Variants in JAKMIP2 observed in about 807,000 individuals in gnomAD.
JAKMIP2 encodes janus kinase and microtubule interacting protein 2.
In JAKMIP2, 25 loss-of-function variants were observed where a neutral mutation model predicts 115.0. The observed-to-expected ratio is 0.22, with a 90% CI of 0.16 to 0.30. The LOEUF is 0.30. Ranked by LOEUF, JAKMIP2 falls within the 10% of genes least tolerant of loss-of-function variation. JAKMIP2 has a pLI of 1.00. For synonymous variants in JAKMIP2, 334 were observed against 343.6 expected, an observed-to-expected ratio of 0.97 and a Z score of 0.31; for missense variants, 642 against 957.6, an observed-to-expected ratio of 0.67 and a Z score of 4.35.
intron 1 of JAKMIP2, among the ~76,000 whole-genome samples, chr5:147,696,370 T>G (rs1015681011): frequency 6.6e-6 from 1 of 152,104 alleles, no homozygotes; most frequent in African/African-American, 2.4e-5. Flanking sequence ...TCTGATGGTT[T>G]TATAAGGGGC....
intron 2 of JAKMIP2, among the ~76,000 whole-genome samples, chr5:147,665,144 C>A (rs890350328): frequency 1.3e-5 from 2 of 152,144 alleles, no homozygotes; most frequent in Non-Finnish European, 2.9e-5. Context: ...CACCCATGAG[C>A]CAAATCCATC....
intron 19 of JAKMIP2, among the ~76,000 whole-genome samples, chr5:147,615,610 T>C (rs1283560043): frequency 2.6e-5 from 4 of 152,086 alleles, no homozygotes; most frequent in East Asian, 3.9e-4. Context: ...TGTGATGAGA[T>C]GTGTGTTGGA....
intron 1 of JAKMIP2, among the ~76,000 whole-genome samples, chr5:147,674,129 C>T (rs80156131): frequency 0.067 from 10,153 of 152,120 alleles, 595 homozygotes; most frequent in African/African-American, 0.15. Flanking sequence ...TTAGTCCCCC[C>T]AAACCTTATT....
At chr5:147,744,273 C>A (rs1754270402) in intron 1 of JAKMIP2, among the ~76,000 whole-genome samples, 1 of 152,136 alleles carries the variant, frequency 6.6e-6, no homozygotes, top group Admixed American at 6.6e-5. Context: ...CCAGCTGTGT[C>A]ATATTTAATG....
chr5:147,745,194 G>C (rs1754309220), intron 1 of JAKMIP2, among the ~76,000 whole-genome samples: 1 of 152,028 alleles, frequency 6.6e-6, no homozygotes. Context: ...ATGCAACTTA[G>C]ATCTACACTA....
intron 4 of JAKMIP2, among the ~76,000 whole-genome samples, chr5:147,649,479 C>T (rs775016985): frequency 4.6e-5 from 7 of 152,086 alleles, no homozygotes; most frequent in African/African-American, 1.7e-4. Flanking sequence ...TAAGGACACA[C>T]AGTAAATGGC....
At chr5:147,651,007 GA>G (rs1265729364) in intron 3 of JAKMIP2, among the ~76,000 whole-genome samples, 1 of 152,152 alleles carries the variant, frequency 6.6e-6, no homozygotes, top group Non-Finnish European at 1.5e-5. Context: ...ATTTGTAACT[GA>G]AGAAACTTCA....
chr5:147,701,771 A>T (rs1238468882), intron 1 of JAKMIP2, among the ~76,000 whole-genome samples: 1 of 152,166 alleles, frequency 6.6e-6, no homozygotes, highest in Non-Finnish European at 1.5e-5. Flanking sequence ...GGTGCCATTT[A>T]TGAGAAATGA....
At chr5:147,763,814 C>A (rs1284334781) in intron 1 of JAKMIP2, among the ~76,000 whole-genome samples, 4 of 152,002 alleles carry the variant, frequency 2.6e-5, no homozygotes, top group African/African-American at 4.8e-5. Flanking sequence ...CAGGGAAGGC[C>A]ATTTAAAAGC....
At chr5:147,661,735 G>A in intron 2 of JAKMIP2, 1 of 334,162 alleles carries the variant, frequency 3.0e-6, no homozygotes. Flanking sequence ...GTATCACCCA[G>A]GAAGCATGTT....
chr5:147,667,205 G>A lies in JAKMIP2; in HGVS notation c.129+4473C>T, dbSNP rs1046470956. ...GGGCAGGGTGAAGGGGAGAGCACTCGGTAGGGCTTTGAATGATGGGTTTCC... is the reference window on the plus strand; with the variant it reads ...GGGCAGGGTGAAGGGGAGAGCACTCAGTAGGGCTTTGAATGATGGGTTTCC... On this transcript the variant is annotated intron_variant, in intron 2 of 21. Coordinates refer to ENST00000616793, the MANE Select transcript of JAKMIP2 (RefSeq NM_001270941.2). Among the ~76,000 whole-genome samples the A allele has an allele frequency of 5.9e-5, 9 of 152,074 alleles. No homozygotes were observed. The East Asian group carries it at 7.7e-4, about 13-fold the overall frequency.
chr5:147,653,485 T>G (rs1313123551), intron 3 of JAKMIP2, among the ~76,000 whole-genome samples: 1 of 152,126 alleles, frequency 6.6e-6, no homozygotes, highest in African/African-American at 2.4e-5. Context: ...TTTTTTTTCA[T>G]GTTTGTTGGC....
chr5:147,601,920 A>G (rs1302356300), intron 20 of JAKMIP2, 109 bp from the exon 21 acceptor site: 2 of 509,000 alleles, frequency 3.9e-6, no homozygotes, highest in Admixed American at 3.8e-5. Flanking sequence ...CACTTCACAC[A>G]TGAACATCAA....
In JAKMIP2 at chr5:147,586,472, T is replaced by C. The variant is rs915005551; in HGVS notation, c.*5235A>G. 6.6e-6 allele frequency: 1 copy of C among 152,124 alleles called. No homozygotes were observed. Among genetic ancestry groups the C allele is most frequent in the South Asian group, 2.1e-4 (1 of 4,826 alleles). 9.4% of individuals were successfully genotyped at this position (152,124 alleles called of 1,614,324 possible). A position where few individuals can be genotyped will look rare whatever the true frequency, so the allele number is the denominator to read the frequency against. Reference sequence around the variant, plus strand: ...TTGGAAAATTGCATCATCCACTCTTTAGTAAGTTCGTGGGATCTTGATTGT... The same window carrying C: ...TTGGAAAATTGCATCATCCACTCTTCAGTAAGTTCGTGGGATCTTGATTGT... On this transcript the variant is annotated 3_prime_UTR_variant, in exon 22 of 22. Coordinates refer to ENST00000616793, the MANE Select transcript of JAKMIP2 (RefSeq NM_001270941.2).
chr5:147,589,508 T>C lies in JAKMIP2; in HGVS notation c.*2199A>G, dbSNP rs1236279046. 1 of 151,118 alleles carries C rather than the reference T, an allele frequency of 6.6e-6. No individual in the cohort carries two copies. The highest frequency in any genetic ancestry group is 1.5e-5 in the Non-Finnish European group (1 of 67,892). The allele number at this position is 151,118 out of a possible 1,614,324, so 9.4% of individuals were successfully genotyped here. ...TGTTTTGTATCTTCCCAGTAGGGCA[T>C]ACCACCTGGCTTTCCTCCAGAATAA... On this transcript the variant is annotated 3_prime_UTR_variant, in exon 22 of 22. Coordinates refer to ENST00000616793, the MANE Select transcript of JAKMIP2 (RefSeq NM_001270941.2).
At chr5:147,625,288 G>C (rs897176573) in intron 16 of JAKMIP2, among the ~76,000 whole-genome samples, 3 of 152,074 alleles carry the variant, frequency 2.0e-5, no homozygotes, top group Non-Finnish European at 4.4e-5. Context: ...GCCCCAGATA[G>C]TTCTTTCTAG....
chr5:147,650,638 A>G, intron 3 of JAKMIP2, 91 bp from the exon 4 acceptor site: 1 of 937,406 alleles, frequency 1.1e-6, no homozygotes, highest in Non-Finnish European at 1.6e-6. Context: ...CTTTTATCTG[A>G]TTGATACAGA....
chr5:147,663,779 T>G (rs1322706193), intron 2 of JAKMIP2, among the ~76,000 whole-genome samples: 3 of 152,110 alleles, frequency 2.0e-5, no homozygotes, highest in Non-Finnish European at 4.4e-5. Context: ...CACAAGGGGA[T>G]TTGGTGAAAT....
intron 1 of JAKMIP2, among the ~76,000 whole-genome samples, chr5:147,765,103 A>G (rs1755109668): frequency 6.6e-6 from 1 of 151,520 alleles, no homozygotes; most frequent in Non-Finnish European, 1.5e-5. Flanking sequence ...ATTCATGCTC[A>G]TAATAGATAC....
Sources: allele counts gnomAD v4.1 joint callset (sites outside exome capture counted in the v4.1 genomes callset), GRCh38; gene constraint gnomAD v4.1.1; transcripts MANE v1.5; gene names NCBI Gene and HGNC (gene_info 2026-07-23, HGNC 2026-07-21).